Variants in GNAI1 observed in about 807,000 individuals in gnomAD.
The protein encoded by GNAI1 is guanine nucleotide-binding protein G(i) subunit alpha-1.
In GNAI1, 11 loss-of-function variants were observed where a neutral mutation model predicts 38.9. The observed-to-expected ratio is 0.28, with a 90% CI of 0.18 to 0.47. GNAI1 has a LOEUF of 0.47. GNAI1 is among the 20% of genes least tolerant of loss of function. The pLI, the probability that GNAI1 is intolerant of heterozygous loss-of-function variation, is 0.99. For missense variants in GNAI1, 317 were observed against 436.9 expected (o/e 0.73, Z 2.45); for synonymous variants, 166 against 145.1 (o/e 1.14, Z -1.04).
chr7:80,161,475 A>T (rs1043438013), intron 1 of GNAI1, among the ~76,000 whole-genome samples: 3 of 152,320 alleles, frequency 2.0e-5, no homozygotes, highest in South Asian at 2.1e-4. Flanking sequence ...AATGAGTTTT[A>T]AAAATGTCAA....
intron 5 of GNAI1, among the ~76,000 whole-genome samples, chr7:80,209,732 T>C (rs1788841711): frequency 6.6e-6 from 1 of 152,194 alleles, no homozygotes; most frequent in Admixed American, 6.5e-5. Flanking sequence ...TAAAGTTATT[T>C]TCAAATTGTG....
In GNAI1 at chr7:80,140,921, G is replaced by A. The variant is rs560543567; in HGVS notation, c.118+5643G>A. On this transcript the variant is annotated intron_variant, in intron 1 of 7. Transcript: ENST00000649796. The stretch of plus-strand genomic sequence containing the variant: ...CCCTTGCCTTTTTCAGCTCTACAGA[G>A]GCTGCCTGCTTTCATTGGCTCATGG... Among the ~76,000 whole-genome samples, 284 of 152,242 alleles carry A rather than the reference G, an allele frequency of 1.9e-3. 1 individual carries two copies. Among genetic ancestry groups the A allele is most frequent in the Middle Eastern group, 0.01 (3 of 294 alleles).
intron 1 of GNAI1, among the ~76,000 whole-genome samples, chr7:80,182,439 G>T (rs1360437298): frequency 6.6e-6 from 1 of 151,948 alleles, no homozygotes; most frequent in Non-Finnish European, 1.5e-5. Context: ...GGGGAAAGTG[G>T]GTCATTTTGA....
At chr7:80,135,382 C>A in intron 1 of GNAI1, 104 bp downstream of exon 1, 1 of 611,132 alleles carries the variant, frequency 1.6e-6, no homozygotes, top group Non-Finnish European at 2.5e-6. Context: ...AGGAAGCGCC[C>A]GAGGAGGCTT....
At chr7:80,159,438 A>G (rs1223101128) in intron 1 of GNAI1, among the ~76,000 whole-genome samples, 3 of 152,184 alleles carry the variant, frequency 2.0e-5, no homozygotes, top group Admixed American at 6.5e-5. Context: ...TTGTTGGCCC[A>G]TAGCAGACAC....
At chr7:80,159,321 TG>T (rs1787877182) in intron 1 of GNAI1, among the ~76,000 whole-genome samples, 1 of 152,186 alleles carries the variant, frequency 6.6e-6, no homozygotes, top group African/African-American at 2.4e-5. Flanking sequence ...GCTTGTACTT[TG>T]TTTTTAATCC....
rs1788898088 is a variant in GNAI1, at chr7:80,212,850, A to G, written c.855A>G (p.Ile285Met). 5 of 1,575,038 alleles carry G rather than the reference A, an allele frequency of 3.2e-6. No individual in the cohort carries two copies. Among genetic ancestry groups the G allele is most frequent in the Non-Finnish European group, 4.3e-6 (5 of 1,164,964 alleles). ...AAATCAAAAAGAGCCCTCTCACTAT[A>G]TGCTATCCAGAATATGCAGGTATTT... ...EEKIKKSPLT[I>M]CYPEYAGSNT... The change falls in exon 7 of 8, where the codon ATA (isoleucine) becomes ATG (methionine). Residue 285 changes from isoleucine to methionine, a missense_variant. Physicochemically the swap from Ile to Met is conservative, Grantham distance 10 (BLOSUM62 1). Around this residue, in one of 5 missense-constraint regions of GNAI1, gnomAD observed 158 missense variants for 234.7 expected, o/e 0.67. Coordinates refer to ENST00000649796, the MANE Select transcript of GNAI1 (RefSeq NM_002069.6).
intron 1 of GNAI1, among the ~76,000 whole-genome samples, chr7:80,149,867 AG>A (rs1787693859): frequency 6.6e-6 from 1 of 152,166 alleles, no homozygotes; most frequent in East Asian, 1.9e-4. Context: ...TACAAACTAA[AG>A]TAGAGAAGAA....
intron 3 of GNAI1, among the ~76,000 whole-genome samples, chr7:80,193,755 CTG>C (rs546885862): frequency 1.6e-3 from 241 of 152,244 alleles, no homozygotes; most frequent in Middle Eastern, 3.4e-3. Flanking sequence ...TATGTTCACT[CTG>C]AGAGTTTTTA....
chr7:80,139,090 C>A (rs1413933638), intron 1 of GNAI1, among the ~76,000 whole-genome samples: 2 of 152,148 alleles, frequency 1.3e-5, no homozygotes, highest in Non-Finnish European at 2.9e-5. Context: ...CTTGAATAAA[C>A]GGATCCGGTA....
chr7:80,146,676 A>G (rs540973063), intron 1 of GNAI1, among the ~76,000 whole-genome samples: 2 of 152,108 alleles, frequency 1.3e-5, no homozygotes, highest in Non-Finnish European at 2.9e-5. Flanking sequence ...GGGTGCTTGT[A>G]TTGCTGAGCC....
chr7:80,142,843 T>A (rs372354230), intron 1 of GNAI1, among the ~76,000 whole-genome samples: 62 of 29,938 alleles, frequency 2.1e-3, no homozygotes, highest in African/African-American at 4.1e-3. Flanking sequence ...AAAATCATGA[T>A]TCTTGGTAAA....
chr7:80,192,143 G>A (rs1788491876), intron 3 of GNAI1, among the ~76,000 whole-genome samples: 2 of 152,110 alleles, frequency 1.3e-5, no homozygotes, highest in South Asian at 4.2e-4. Context: ...TTTAGTTTTT[G>A]AAATAGTACA....
chr7:80,217,739 G>T lies in GNAI1; in HGVS notation c.*246G>T. On this transcript the variant is annotated 3_prime_UTR_variant, in exon 8 of 8. Transcript: ENST00000649796. ...TAAAGCTGGGCTCTAGTATATTGAT[G>T]ATTTCTGCATAAGTGTAAATATGCA... 1 of 282,528 alleles carries T rather than the reference G, an allele frequency of 3.5e-6. No individual in the cohort carries two copies. The highest frequency in any genetic ancestry group is 6.6e-6 in the Non-Finnish European group (1 of 152,248). The allele number at this position is 282,528 out of a possible 1,614,324, so 17.5% of individuals were successfully genotyped here.
intron 3 of GNAI1, among the ~76,000 whole-genome samples, chr7:80,190,210 A>G (rs1788458154): frequency 6.6e-6 from 1 of 152,092 alleles, no homozygotes. Flanking sequence ...AATGAAAGCA[A>G]TATTAGGGAA....
intron 1 of GNAI1, among the ~76,000 whole-genome samples, chr7:80,150,190 C>T (rs769346324): frequency 6.6e-6 from 1 of 151,994 alleles, no homozygotes; most frequent in Non-Finnish European, 1.5e-5. Context: ...GGTATAGATT[C>T]CAGAGAAAGT....
intron 7 of GNAI1, 57 bp from the exon 8 acceptor site, chr7:80,217,246 T>TATGTATGACACTGAA: frequency 8.7e-7 from 1 of 1,152,026 alleles, no homozygotes; most frequent in Non-Finnish European, 1.2e-6. Flanking sequence ...GAATTCAGTA[T>TATGTATGACACTGAA]TTTAAGCAGT....
In GNAI1 at chr7:80,217,599, A is replaced by G; in HGVS notation, c.*106A>G. 1 of 587,610 alleles carries G rather than the reference A, an allele frequency of 1.7e-6. No individual in the cohort carries two copies. Among genetic ancestry groups the G allele is most frequent in the East Asian group, 3.1e-5 (1 of 32,530 alleles). 36.4% of individuals were successfully genotyped at this position (587,610 alleles called of 1,614,324 possible). ...CAACACAGAATGTAATATAAGGCAA[A>G]TGCATCTGGGACTTGACCAAAGTTG... On this transcript the variant is annotated 3_prime_UTR_variant, in exon 8 of 8. Transcript: ENST00000649796.
chr7:80,168,518 G>C (rs1293134294), intron 1 of GNAI1, among the ~76,000 whole-genome samples: 1 of 152,046 alleles, frequency 6.6e-6, no homozygotes, highest in East Asian at 1.9e-4. Context: ...CTCCCGAGTA[G>C]CTGGGACTAC....
Sources: allele counts gnomAD v4.1 joint callset (sites outside exome capture counted in the v4.1 genomes callset), GRCh38; gene constraint gnomAD v4.1.1; regional missense constraint gnomAD v4.1.1; transcripts MANE v1.5; gene names NCBI Gene and HGNC (gene_info 2026-07-23, HGNC 2026-07-21).